Variants in ZEB1 observed in about 807,000 individuals in gnomAD.
The protein encoded by ZEB1 is zinc finger E-box-binding homeobox 1.
In ZEB1, 21 loss-of-function variants were observed where a neutral mutation model predicts 84.9. That is an observed-to-expected ratio of 0.25 (90% CI 0.18 to 0.36). The LOEUF (loss-of-function observed/expected upper bound fraction) is 0.36. Ranked by LOEUF, ZEB1 falls within the 10% of genes least tolerant of loss-of-function variation. The pLI is 1.00. For missense variants in ZEB1, 1,104 were observed against 1,330.2 expected (o/e 0.83, Z 2.65); for synonymous variants, 420 against 471.1 (o/e 0.89, Z 1.41).
intron 1 of ZEB1, among the ~76,000 whole-genome samples, chr10:31,453,400 G>A (rs114964236): frequency 0.016 from 2,463 of 152,210 alleles, 52 homozygotes; most frequent in African/African-American, 0.055. Context: ...ATGATAGTGA[G>A]ATTCTTTATG....
chr10:31,364,691 A>G (rs1315588977), intron 1 of ZEB1, among the ~76,000 whole-genome samples: 1 of 152,188 alleles, frequency 6.6e-6, no homozygotes, highest in African/African-American at 2.4e-5. Flanking sequence ...TCCACTTTTT[A>G]CAAATTTGCC....
At chr10:31,493,069 G>C (rs1439721055) in intron 2 of ZEB1, among the ~76,000 whole-genome samples, 3 of 151,930 alleles carry the variant, frequency 2.0e-5, no homozygotes, top group Non-Finnish European at 4.4e-5. Flanking sequence ...ATACAGAGCA[G>C]TTCTGTCACT....
At chr10:31,389,890 T>C (rs1338067321) in intron 1 of ZEB1, among the ~76,000 whole-genome samples, 1 of 152,148 alleles carries the variant, frequency 6.6e-6, no homozygotes, top group Non-Finnish European at 1.5e-5. Context: ...CATCTTATAT[T>C]GGACTAGCCA....
chr10:31,325,864 G>C (rs2035366004), intron 1 of ZEB1, among the ~76,000 whole-genome samples: 1 of 150,900 alleles, frequency 6.6e-6, no homozygotes, highest in African/African-American at 2.4e-5. Context: ...TTATATATCT[G>C]TTACTATTCA....
chr10:31,339,149 A>G (rs1459910420), intron 1 of ZEB1, among the ~76,000 whole-genome samples: 1 of 150,138 alleles, frequency 6.7e-6, no homozygotes, highest in Non-Finnish European at 1.5e-5. Flanking sequence ...TTCTTGAGAG[A>G]AGATCTCATC....
chr10:31,378,852 G>A (rs1236483839), intron 1 of ZEB1, among the ~76,000 whole-genome samples: 2 of 152,034 alleles, frequency 1.3e-5, no homozygotes, highest in Admixed American at 1.3e-4. Flanking sequence ...AGTGGTGGAT[G>A]TGCAGGTGGT....
intron 7 of ZEB1, 101 bp downstream of exon 7, chr10:31,522,037 A>G (rs1167989383): frequency 7.9e-6 from 12 of 1,517,278 alleles, no homozygotes; most frequent in Non-Finnish European, 1.1e-5. Flanking sequence ...AGCCAACTAG[A>G]TTATTACAAA....
intron 1 of ZEB1, among the ~76,000 whole-genome samples, chr10:31,398,547 C>T (rs1189662959): frequency 1.3e-5 from 2 of 152,088 alleles, no homozygotes; most frequent in Non-Finnish European, 2.9e-5. Flanking sequence ...AAATCTTACT[C>T]CCAGTTCTCC....
At chr10:31,447,324 G>A (rs1222362321) in intron 1 of ZEB1, among the ~76,000 whole-genome samples, 4 of 136,404 alleles carry the variant, frequency 2.9e-5, no homozygotes, top group Non-Finnish European at 6.3e-5. Context: ...ACGTGAGATG[G>A]GTTTCCTGAA....
At chr10:31,468,589 C>A (rs2062741649) in intron 2 of ZEB1, among the ~76,000 whole-genome samples, 1 of 152,102 alleles carries the variant, frequency 6.6e-6, no homozygotes. Flanking sequence ...GTGAGCCTTA[C>A]CACATATACA....
chr10:31,360,092 T>G (rs1372915898), intron 1 of ZEB1, among the ~76,000 whole-genome samples: 2 of 152,214 alleles, frequency 1.3e-5, no homozygotes, highest in Non-Finnish European at 2.9e-5. Context: ...ATAATAGATT[T>G]GAAGAGCACT....
At chr10:31,456,183 C>T (rs1591478430) in intron 1 of ZEB1, among the ~76,000 whole-genome samples, 1 of 152,158 alleles carries the variant, frequency 6.6e-6, no homozygotes, top group African/African-American at 2.4e-5. Flanking sequence ...CGCATGTTCT[C>T]ACTCATGGGT....
chr10:31,467,214 C>T (rs1391408824), intron 2 of ZEB1, among the ~76,000 whole-genome samples: 1 of 152,098 alleles, frequency 6.6e-6, no homozygotes, highest in African/African-American at 2.4e-5. Context: ...CCCCTGAATA[C>T]GTTTGGATTG....
At chr10:31,363,904 A>T in intron 1 of ZEB1, 2 of 1,312,712 alleles carry the variant, frequency 1.5e-6, no homozygotes, top group Non-Finnish European at 2.0e-6. Flanking sequence ...ACGGCCCACA[A>T]TTCCCCGGGC....
rs139265633 is a variant in ZEB1 at position 31,432,854 on chromosome 10, G to A, written c.59-28183G>A. Among the ~76,000 whole-genome samples the A allele has an allele frequency of 6.1e-3, 927 of 152,204 alleles. 3 individuals are homozygous for A. The highest frequency in any genetic ancestry group is 0.011 in the Non-Finnish European group (732 of 68,006). ...GGAAAAGCTATTTTTAAAAAAGAGT[G>A]GCATTGTTTTACATGTTTACAAATC... On this transcript the variant is annotated intron_variant, in intron 1 of 8. Coordinates refer to ENST00000424869, the MANE Select transcript of ZEB1 (RefSeq NM_001174096.2).
chr10:31,500,322 ATGT>A (rs756078392), intron 3 of ZEB1, among the ~76,000 whole-genome samples: 22 of 152,252 alleles, frequency 1.4e-4, no homozygotes, highest in Non-Finnish European at 2.6e-4. Flanking sequence ...CCTAGGAATG[ATGT>A]TTGAGAATGT....
At chr10:31,474,873 A>G (rs1255603871) in intron 2 of ZEB1, among the ~76,000 whole-genome samples, 2 of 152,200 alleles carry the variant, frequency 1.3e-5, no homozygotes, top group Admixed American at 6.5e-5. Flanking sequence ...ATGGAATACT[A>G]TGCAGCCATA....
At chr10:31,395,698 A>C (rs1201373793) in intron 1 of ZEB1, among the ~76,000 whole-genome samples, 1 of 152,186 alleles carries the variant, frequency 6.6e-6, no homozygotes, top group Non-Finnish European at 1.5e-5. Context: ...ATTATGCCAA[A>C]AGAGTGACGT....
chr10:31,469,625 G>A (rs910633387), intron 2 of ZEB1, among the ~76,000 whole-genome samples: 3 of 152,176 alleles, frequency 2.0e-5, no homozygotes, highest in African/African-American at 4.8e-5. Context: ...AGGCAGCAGC[G>A]AGGCTGGGGG....
Sources: allele counts gnomAD v4.1 joint callset (sites outside exome capture counted in the v4.1 genomes callset), GRCh38; gene constraint gnomAD v4.1.1; transcripts MANE v1.5; gene names NCBI Gene and HGNC (gene_info 2026-07-23, HGNC 2026-07-21).